WDR26: variants seen among roughly 807,000 people sequenced by gnomAD.
WDR26 encodes WD repeat domain 26, also known as WD repeat-containing protein 26.
A neutral mutation model predicts 84.1 loss-of-function variants in WDR26; 5 were observed. That is an observed-to-expected ratio of 0.06 (90% confidence interval 0.03 to 0.13). The LOEUF (loss-of-function observed/expected upper bound fraction) is 0.13, where lower values mean the gene tolerates loss of function less well. Ranked by LOEUF, WDR26 falls within the 10% of genes least tolerant of loss-of-function variation. WDR26 has a pLI of 1.00. For synonymous variants in WDR26, 415 were observed against 389.6 expected (o/e 1.07, Z -0.77); for missense variants, 642 against 974.9 (o/e 0.66, Z 4.55).
At chr1:224,399,697 A>G (rs1424262971) in intron 9 of WDR26, among the ~76,000 whole-genome samples, 1 of 152,228 alleles carries the variant, frequency 6.6e-6, no homozygotes, top group East Asian at 1.9e-4. Context: ...AACAATTCAT[A>G]ACCATATTGA....
intron 13 of WDR26, among the ~76,000 whole-genome samples, chr1:224,393,006 G>T (rs866940123): frequency 1.3e-4 from 20 of 151,992 alleles, no homozygotes; most frequent in Admixed American, 3.3e-4. Context: ...CTCTATTTAA[G>T]AGAGTCATTT....
At chr1:224,417,157 G>A (rs1673928424) in intron 6 of WDR26, among the ~76,000 whole-genome samples, 1 of 152,164 alleles carries the variant, frequency 6.6e-6, no homozygotes, top group African/African-American at 2.4e-5. Flanking sequence ...TATCACAGTA[G>A]AGATATGCAT....
chr1:224,390,461 G>C (rs1427543587), intron 13 of WDR26, among the ~76,000 whole-genome samples: 1 of 152,170 alleles, frequency 6.6e-6, no homozygotes, highest in East Asian at 1.9e-4. Context: ...GAGATAGTTA[G>C]CAGAATAGAT....
intron 1 of WDR26, among the ~76,000 whole-genome samples, chr1:224,432,136 T>A (rs1321815200): frequency 6.6e-6 from 1 of 152,222 alleles, no homozygotes; most frequent in Admixed American, 6.5e-5. Flanking sequence ...TTTTGAAAGA[T>A]AAAAATTATT....
chr1:224,413,278 C>A, intron 6 of WDR26: 2 of 1,229,300 alleles, frequency 1.6e-6, no homozygotes, highest in South Asian at 1.4e-5. Context: ...GAAACACGGT[C>A]TTCCTTGCTT....
At chr1:224,408,633 C>CTTTTTTTTT (rs67639407) in intron 7 of WDR26, among the ~76,000 whole-genome samples, 3 of 115,856 alleles carry the variant, frequency 2.6e-5, no homozygotes, top group African/African-American at 6.2e-5. Context: ...TCATCCCATT[C>CTTTTTTTTT]TTTTTTTTTT....
chr1:224,398,435 T>C, intron 11 of WDR26, 80 bp downstream of exon 11: 1 of 1,358,142 alleles, frequency 7.4e-7, no homozygotes, highest in Non-Finnish European at 1.0e-6. Flanking sequence ...ATTTTGTTAA[T>C]ATAAATACAC....
chr1:224,407,122 TAAAA>T (rs1158264938), intron 7 of WDR26, among the ~76,000 whole-genome samples: 219 of 11,642 alleles, frequency 0.019, 6 homozygotes, highest in East Asian at 0.13. Context: ...ACTCTGTCTT[TAAAA>T]AAAAAAAAAA....
chr1:224,427,191 T>C (rs1558444502), intron 3 of WDR26, among the ~76,000 whole-genome samples: 1 of 151,938 alleles, frequency 6.6e-6, no homozygotes, highest in Non-Finnish European at 1.5e-5. Context: ...GTTGCAGAAC[T>C]TTTTCATTTA....
Position 224,385,625 on chromosome 1 carries a change from C to T in WDR26, c.*4210G>A, listed in dbSNP as rs1271887300. 6.6e-6 allele frequency: 1 copy of T among 152,616 alleles called. No individual in the cohort carries two copies. The highest frequency in any genetic ancestry group is 6.5e-5 in the Admixed American group (1 of 15,274). The allele number at this position is 152,616 out of a possible 1,614,324, so 9.5% of individuals were successfully genotyped here. A position where few individuals can be genotyped will look rare whatever the true frequency, so the allele number is the denominator to read the frequency against. The stretch of plus-strand genomic sequence containing the variant: ...CAATTTAGAAATCTTGAGATCAACA[C>T]TTAAGTTCTTTTCTTGATCTCTACA... On this transcript the variant is annotated 3_prime_UTR_variant, in exon 14 of 14. Coordinates refer to ENST00000414423, the MANE Select transcript of WDR26 (RefSeq NM_001379403.1).
At chr1:224,391,377 A>AC (rs1558412303) in intron 13 of WDR26, among the ~76,000 whole-genome samples, 108 of 109,026 alleles carry the variant, frequency 9.9e-4, no homozygotes, top group Non-Finnish European at 1.5e-3. Flanking sequence ...AAAAAAAAAA[A>AC]AAAAAACAAA....
rs1222985067 is a variant in WDR26 at position 224,398,953 on chromosome 1, G to C, written c.1801C>G (p.Leu601Val). The C allele has an allele frequency of 1.9e-6, 3 of 1,613,324 alleles. No homozygotes were observed. Among genetic ancestry groups the C allele is most frequent in the East Asian group, 2.2e-5 (1 of 44,814 alleles). ...ATTCGCTGGTGTGTATCTGATGCCA[G>C]AACAGTCTTTCCATCACTCAAGCAC... The change falls in exon 10 of 14, where the codon CTG becomes GTG. Residue 601 changes from leucine to valine, a missense_variant. This residue lies in a region of WDR26 where 351 missense variants were observed against 672.8 expected (regional missense o/e 0.52). Transcript: ENST00000414423.
chr1:224,392,615 T>C (rs751575424), intron 13 of WDR26, among the ~76,000 whole-genome samples: 1 of 152,128 alleles, frequency 6.6e-6, no homozygotes, highest in African/African-American at 2.4e-5. Flanking sequence ...CCTAGAGGAA[T>C]GTTAGAATGT....
At position 224,392,549 on chromosome 1, in the gene WDR26, T is replaced by A. The variant is rs539104872; in HGVS notation, c.2260+1279A>T. 2.4e-4 allele frequency among the ~76,000 whole-genome samples: 37 copies of A among 152,274 alleles called. 1 individual carries two copies. The highest frequency in any genetic ancestry group is 1.9e-3 in the South Asian group (9 of 4,828). On this transcript the variant is annotated intron_variant, in intron 13 of 13. Coordinates refer to ENST00000414423, the MANE Select transcript of WDR26 (RefSeq NM_001379403.1). ...AGACTTTGGGTTTGTAGGCCTTTGGTTGAAACCCAAACAGGACAACACAAG... is the reference window on the plus strand; with the variant it reads ...AGACTTTGGGTTTGTAGGCCTTTGGATGAAACCCAAACAGGACAACACAAG...
intron 3 of WDR26, among the ~76,000 whole-genome samples, chr1:224,428,403 T>C (rs1031481767): frequency 6.6e-6 from 1 of 152,188 alleles, no homozygotes; most frequent in African/African-American, 2.4e-5. Context: ...ATAAATTATA[T>C]CTAAACTTGG....
intron 8 of WDR26, among the ~76,000 whole-genome samples, chr1:224,401,703 AAAAAAG>A: frequency 5.3e-4 from 1 of 1,870 alleles, no homozygotes. Flanking sequence ...AAAAAAAAAG[AAAAAAG>A]AAAAAAAAAG....
chr1:224,392,231 G>A (rs1456124793), intron 13 of WDR26, among the ~76,000 whole-genome samples: 2 of 151,822 alleles, frequency 1.3e-5, no homozygotes, highest in Admixed American at 6.6e-5. Flanking sequence ...CGTGGTGGTG[G>A]GTGCCTGTAG....
chr1:224,392,456 A>C (rs1673154877), intron 13 of WDR26, among the ~76,000 whole-genome samples: 1 of 152,226 alleles, frequency 6.6e-6, no homozygotes, highest in Non-Finnish European at 1.5e-5. Context: ...GTTTATTTGA[A>C]GAAATAACTC....
At chr1:224,430,090 T>G (rs551861384) in intron 3 of WDR26, 11 of 152,224 alleles carry the variant, frequency 7.2e-5, no homozygotes, top group African/African-American at 2.6e-4. Flanking sequence ...TTTAGCTCAT[T>G]CAGTCAGAAG....
Sources: gnomAD v4.1 joint callset for allele counts (sites outside exome capture counted in the v4.1 genomes callset) on GRCh38, gnomAD v4.1.1 for gene constraint, gnomAD v4.1.1 regional missense constraint, MANE v1.5 for transcripts, NCBI Gene and HGNC (gene_info 2026-07-23, HGNC 2026-07-21) for gene names.